The following MYO3B variants were observed in gnomAD, a reference collection of about 807,000 sequenced individuals.
The protein encoded by MYO3B is myosin IIIB, also known as myosin-IIIb.
In MYO3B, 156 loss-of-function variants were observed where a neutral mutation model predicts 174.6. The ratio of observed to expected loss-of-function variants is 0.89; its 90% CI spans 0.78 to 1.02. The LOEUF (loss-of-function observed/expected upper bound fraction) is 1.02, where lower values mean the gene tolerates loss of function less well. Among genes scored for constraint, MYO3B ranks in the 50% least tolerant of loss-of-function variants. MYO3B has a pLI of 0.00. For synonymous variants in MYO3B, 563 were observed against 569.1 expected (o/e 0.99, Z 0.15); for missense variants, 1,632 against 1,639.4 (o/e 1.00, Z 0.08).
chr2:170,475,873 A>G (rs1470135288), intron 25 of MYO3B, among the ~76,000 whole-genome samples: 1 of 152,196 alleles, frequency 6.6e-6, no homozygotes, highest in African/African-American at 2.4e-5. Flanking sequence ...AGTTCCAGCA[A>G]TTCCTCTAAG....
intron 28 of MYO3B, among the ~76,000 whole-genome samples, chr2:170,507,256 C>T (rs963709977): frequency 6.6e-6 from 1 of 152,022 alleles, no homozygotes; most frequent in African/African-American, 2.4e-5. Flanking sequence ...CATCCGCCTA[C>T]CCCCCCATCT....
Position 170,576,521 on chromosome 2 carries a change from G to A in MYO3B, c.3733+32533G>A, listed in dbSNP as rs111959946. On this transcript the variant is annotated intron_variant, in intron 32 of 34. Coordinates refer to ENST00000408978, the MANE Select transcript of MYO3B (RefSeq NM_138995.5). ...TCTAGCATCCCCTGTTGGGAGTCCAGTGGAGAGTCATATGGCAAAGAAGTA... is the reference window on the plus strand; with the variant it reads ...TCTAGCATCCCCTGTTGGGAGTCCAATGGAGAGTCATATGGCAAAGAAGTA... Among the ~76,000 whole-genome samples the A allele has an allele frequency of 2.4e-3, 363 of 152,336 alleles. 1 individual carries two copies. The highest frequency in any genetic ancestry group is 8.2e-3 in the African/African-American group (340 of 41,570).
chr2:170,357,396 A>G (rs1267544420), intron 8 of MYO3B, among the ~76,000 whole-genome samples: 1 of 148,136 alleles, frequency 6.8e-6, no homozygotes, highest in Admixed American at 6.8e-5. Flanking sequence ...ATTATATTTT[A>G]TATATATGTA....
intron 32 of MYO3B, among the ~76,000 whole-genome samples, chr2:170,637,204 C>T (rs1463989906): frequency 3.6e-5 from 5 of 139,804 alleles, no homozygotes; most frequent in African/African-American, 8.0e-5. Context: ...TGGAGTATCA[C>T]TCTGCCGTCC....
intron 25 of MYO3B, among the ~76,000 whole-genome samples, chr2:170,475,672 T>C (rs909282901): frequency 1.3e-5 from 2 of 152,196 alleles, no homozygotes; most frequent in African/African-American, 4.8e-5. Context: ...CCTTACATGA[T>C]CCTTTATACT....
intron 9 of MYO3B, among the ~76,000 whole-genome samples, chr2:170,380,039 G>A (rs373218131): frequency 6.6e-6 from 1 of 152,236 alleles, no homozygotes; most frequent in African/African-American, 2.4e-5. Flanking sequence ...AGGGTGGGGT[G>A]TACATCAAGA....
intron 7 of MYO3B, among the ~76,000 whole-genome samples, chr2:170,277,619 C>T (rs1410563871): frequency 1.3e-5 from 2 of 152,018 alleles, no homozygotes; most frequent in Non-Finnish European, 2.9e-5. Context: ...TTCTTTTAGG[C>T]TGGTAATTTA....
intron 8 of MYO3B, among the ~76,000 whole-genome samples, chr2:170,359,886 G>A (rs1008947032): frequency 1.3e-5 from 2 of 151,944 alleles, no homozygotes; most frequent in African/African-American, 2.4e-5. Context: ...CTCATTCCAG[G>A]CATTGTTTTC....
At chr2:170,285,701 T>G (rs905832985) in intron 7 of MYO3B, among the ~76,000 whole-genome samples, 2 of 152,132 alleles carry the variant, frequency 1.3e-5, no homozygotes, top group Non-Finnish European at 2.9e-5. Flanking sequence ...TTTATTATTG[T>G]GCAAAAACTT....
chr2:170,498,817 A>G (rs1339478837), intron 26 of MYO3B, 114 bp downstream of exon 26: 2 of 692,486 alleles, frequency 2.9e-6, no homozygotes, highest in East Asian at 2.7e-5. Flanking sequence ...CAAGACTCCA[A>G]CGTAACAATG....
intron 28 of MYO3B, among the ~76,000 whole-genome samples, chr2:170,508,088 C>A (rs761049733): frequency 5.3e-5 from 8 of 152,142 alleles, no homozygotes; most frequent in Non-Finnish European, 7.3e-5. Context: ...CGGCATGGCA[C>A]AAGTATGCTT....
At chr2:170,342,720 A>G (rs780760415) in intron 8 of MYO3B, among the ~76,000 whole-genome samples, 1 of 152,156 alleles carries the variant, frequency 6.6e-6, no homozygotes. Context: ...CTTAATCCTC[A>G]TGATTCTATA....
intron 28 of MYO3B, among the ~76,000 whole-genome samples, chr2:170,504,090 G>C (rs1025272645): frequency 3.9e-5 from 6 of 152,064 alleles, no homozygotes; most frequent in African/African-American, 1.4e-4. Flanking sequence ...GCCTCTCTTC[G>C]TCCCACTAGG....
chr2:170,299,213 G>A (rs1488068405), intron 7 of MYO3B, among the ~76,000 whole-genome samples: 1 of 152,204 alleles, frequency 6.6e-6, no homozygotes, highest in Non-Finnish European at 1.5e-5. Context: ...GGGAAGGATA[G>A]TGTCTTAATA....
intron 32 of MYO3B, among the ~76,000 whole-genome samples, chr2:170,612,911 C>T (rs1336101914): frequency 3.3e-5 from 5 of 152,334 alleles, no homozygotes; most frequent in African/African-American, 1.2e-4. Context: ...TTTTTGAGGA[C>T]TATAAGCTCT....
chr2:170,581,555 C>G (rs1226739994), intron 32 of MYO3B, among the ~76,000 whole-genome samples: 1 of 151,818 alleles, frequency 6.6e-6, no homozygotes, highest in African/African-American at 2.4e-5. Flanking sequence ...AGATATTAAG[C>G]CTTATATCTT....
chr2:170,500,713 G>T (rs931447610), intron 27 of MYO3B, among the ~76,000 whole-genome samples: 1 of 152,098 alleles, frequency 6.6e-6, no homozygotes, highest in Non-Finnish European at 1.5e-5. Context: ...GATATGTGCC[G>T]CATCTCCCAG....
chr2:170,407,507 C>T (rs1348829457), intron 21 of MYO3B, among the ~76,000 whole-genome samples: 1 of 150,814 alleles, frequency 6.6e-6, no homozygotes, highest in Non-Finnish European at 1.5e-5. Flanking sequence ...CCATAAAAAA[C>T]AAAAACCAAA....
At chr2:170,510,669 TGTGAAGGCACAAAGAAGAACTCCAAAAA>T (rs67243360) in intron 28 of MYO3B, among the ~76,000 whole-genome samples, 48,402 of 151,844 alleles carry the variant, frequency 0.32, 8,070 homozygotes, top group African/African-American at 0.41. Context: ...AAACATGCCA[TGTGAAGGCACAAAGAAGAACTCCAAAAA>T]GTTCCCTTAT....
Sources: gnomAD v4.1 joint callset for allele counts (sites outside exome capture counted in the v4.1 genomes callset) on GRCh38, gnomAD v4.1.1 for gene constraint, MANE v1.5 for transcripts, NCBI Gene and HGNC (gene_info 2026-07-23, HGNC 2026-07-21) for gene names.